Variants in PRR5 observed in about 807,000 individuals in gnomAD.
The protein encoded by PRR5 is proline rich 5.
PRR5 carries 25 observed loss-of-function variants against 30.6 expected under a neutral mutation model. The ratio of observed to expected loss-of-function variants is 0.82; its 90% CI spans 0.60 to 1.14. PRR5 has a LOEUF of 1.14. Ranked by LOEUF, PRR5 falls within the 50% of genes most tolerant of loss-of-function variation. PRR5 has a pLI of 0.00. For missense variants in PRR5, 600 were observed against 547.1 expected, an observed-to-expected ratio of 1.10 and a Z score of -0.96; for synonymous variants, 286 against 247.1, an observed-to-expected ratio of 1.16 and a Z score of -1.48.
At position 44,736,950 on chromosome 22, in the gene PRR5, CG is replaced by C; in HGVS notation, c.871del (p.Glu291SerfsTer109). The C allele has an allele frequency of 6.2e-7, 1 of 1,605,306 alleles. No individual in the cohort carries two copies. The highest frequency in any genetic ancestry group is 8.5e-7 in the Non-Finnish European group (1 of 1,177,236). ...CTGTGTCGGAGATGACGTCCTGCCC[CG>C]AGCCTCAGGGCTTCTCCGACCCGCC... The part of the protein sequence containing the change: ...HSVSEMTSCP[E>X]PQGFSDPPGQ... On this transcript the variant is annotated frameshift_variant, in exon 8 of 8. Coordinates refer to ENST00000336985, the MANE Select transcript of PRR5 (RefSeq NM_181333.4). LOFTEE classifies it low-confidence loss of function (END_TRUNC).
chr22:44,679,988 G>C, intron 1 of PRR5: 1 of 1,072,032 alleles, frequency 9.3e-7, no homozygotes, highest in Non-Finnish European at 1.4e-6. Flanking sequence ...GACGGCGAGA[G>C]ACCCACGGGG....
intron 6 of PRR5, chr22:44,734,687 A>G: frequency 3.7e-6 from 1 of 268,108 alleles, no homozygotes; most frequent in East Asian, 7.9e-5. Flanking sequence ...GTGTCTCTGG[A>G]GAGACTGTCC....
Position 44,736,846 on chromosome 22 carries a change from A to C in PRR5, c.766A>C (p.Asn256His), listed in dbSNP as rs1488852460. Residue 256 changes from asparagine (N) to histidine (H), a missense_variant, in exon 8 of 8, where the codon AAC becomes CAC. Asn to His is a moderately conservative substitution (Grantham distance 68, BLOSUM62 1). Transcript: ENST00000336985. ...KNPVVRSKSY[N>H]TPLLNPVQEH... is the part of the protein sequence containing the mutation. ...CCCTGTGGTGCGCTCCAAGAGCTAC[A>C]ACACGCCTCTGCTGAACCCCGTGCA... 2 of 1,603,882 alleles carry C rather than the reference A, an allele frequency of 1.2e-6. No homozygotes were observed. The highest frequency in any genetic ancestry group is 1.7e-6 in the Non-Finnish European group (2 of 1,173,484).
At chr22:44,727,385 G>A (rs748933180) in intron 4 of PRR5, among the ~76,000 whole-genome samples, 28 of 152,172 alleles carry the variant, frequency 1.8e-4, no homozygotes, top group Non-Finnish European at 3.7e-4. Context: ...TGCTTTGCTC[G>A]GGCTGTGCTG....
At chr22:44,689,023 T>G (rs955035097) in intron 1 of PRR5, among the ~76,000 whole-genome samples, 2 of 152,170 alleles carry the variant, frequency 1.3e-5, no homozygotes, top group Non-Finnish European at 2.9e-5. Context: ...TGTAATATTA[T>G]CATGCTGGCC....
intron 4 of PRR5, chr22:44,731,260 T>TG (rs929956211): frequency 4.6e-5 from 12 of 262,012 alleles, no homozygotes; most frequent in Admixed American, 9.6e-5. Context: ...GGTCTCCTGA[T>TG]GCAGGTCTCA....
intron 1 of PRR5, among the ~76,000 whole-genome samples, chr22:44,709,757 C>T (rs1927862267): frequency 2.0e-5 from 3 of 152,160 alleles, no homozygotes; most frequent in African/African-American, 7.2e-5. Flanking sequence ...GAGGCTGAGG[C>T]AGGAGAATCG....
chr22:44,714,443 C>A, intron 1 of PRR5, 148 bp from the exon 2 acceptor site: 1 of 1,123,030 alleles, frequency 8.9e-7, no homozygotes, highest in South Asian at 1.5e-5. Context: ...GGGTGCAGGG[C>A]CTCGGAGTTG....
chr22:44,678,195 C>T (rs887853418), intron 1 of PRR5, among the ~76,000 whole-genome samples: 3 of 152,164 alleles, frequency 2.0e-5, no homozygotes, highest in Middle Eastern at 6.3e-3. Context: ...ACCCGCTCAC[C>T]ACCTGCCCGG....
At chr22:44,722,154 T>C (rs1232694222) in intron 2 of PRR5, among the ~76,000 whole-genome samples, 1 of 152,176 alleles carries the variant, frequency 6.6e-6, no homozygotes, top group Non-Finnish European at 1.5e-5. Context: ...GATTTCACAG[T>C]TGTGCAAGGG....
chr22:44,670,890 G>T (rs1923388483), intron 1 of PRR5, among the ~76,000 whole-genome samples: 1 of 152,166 alleles, frequency 6.6e-6, no homozygotes, highest in African/African-American at 2.4e-5. Flanking sequence ...GCAAGTTGTG[G>T]ACATTTGTGG....
At chr22:44,731,656 T>C (rs546042891) in intron 4 of PRR5, 74 bp from the exon 5 acceptor site, 1 of 1,481,494 alleles carries the variant, frequency 6.7e-7, no homozygotes, top group African/African-American at 1.4e-5. Context: ...CATCCTCTGA[T>C]GACCCATCCT....
chr22:44,707,567 C>T (rs892142452), intron 1 of PRR5, among the ~76,000 whole-genome samples: 5 of 152,236 alleles, frequency 3.3e-5, no homozygotes, highest in Non-Finnish European at 5.9e-5. Context: ...CTCCCCCAGC[C>T]CCATAGGCTC....
intron 4 of PRR5, chr22:44,729,874 C>T: frequency 1.0e-6 from 1 of 985,458 alleles, no homozygotes; most frequent in Non-Finnish European, 1.2e-6. Context: ...CCCCGGCCAG[C>T]CCGGGAACTG....
At chr22:44,726,788 G>A (rs138889227) in intron 4 of PRR5, among the ~76,000 whole-genome samples, 154 bp downstream of exon 4, 1 of 152,136 alleles carries the variant, frequency 6.6e-6, no homozygotes, top group Non-Finnish European at 1.5e-5. Flanking sequence ...AGGGCAGCAG[G>A]GCCGAGATCC....
chr22:44,678,540 C>T (rs1471412904), intron 1 of PRR5, among the ~76,000 whole-genome samples: 1 of 152,104 alleles, frequency 6.6e-6, no homozygotes, highest in East Asian at 1.9e-4. Flanking sequence ...GTCTCGAACT[C>T]CCGACCTCAG....
intron 1 of PRR5, among the ~76,000 whole-genome samples, chr22:44,693,574 C>T (rs1569073355): frequency 6.6e-6 from 1 of 151,374 alleles, no homozygotes; most frequent in Non-Finnish European, 1.5e-5. Flanking sequence ...CAGCCCTCTC[C>T]TCTGGGTCTC....
At chr22:44,725,331 A>G (rs1002884500) in intron 3 of PRR5, 39 bp downstream of exon 3, 1 of 1,610,280 alleles carries the variant, frequency 6.2e-7, no homozygotes, top group Non-Finnish European at 8.5e-7. Flanking sequence ...GGCCTGCCTC[A>G]TGAGCCAGCC....
At chr22:44,736,625 C>A in intron 7 of PRR5, 147 bp from the exon 8 acceptor site, 1 of 1,350,550 alleles carries the variant, frequency 7.4e-7, no homozygotes, top group Non-Finnish European at 9.7e-7. Flanking sequence ...GGGCTTGTGG[C>A]GGTGGGACCT....
Sources: gnomAD v4.1 joint callset for allele counts (sites outside exome capture counted in the v4.1 genomes callset) on GRCh38, gnomAD v4.1.1 for gene constraint, MANE v1.5 for transcripts, NCBI Gene and HGNC (gene_info 2026-07-23, HGNC 2026-07-21) for gene names.